Variants in SNTG1 observed in about 807,000 individuals in gnomAD.
The protein encoded by SNTG1 is syntrophin gamma 1, also known as gamma-1-syntrophin.
A neutral mutation model predicts 74.7 loss-of-function variants in SNTG1; 39 were observed. The observed-to-expected ratio is 0.52, with a 90% CI of 0.40 to 0.68. The LOEUF (loss-of-function observed/expected upper bound fraction) is 0.68, where lower values mean the gene tolerates loss of function less well. SNTG1 is among the 30% of genes least tolerant of loss of function. The pLI is 0.00. For synonymous variants in SNTG1, 254 were observed against 217.1 expected (o/e 1.17, Z -1.49); for missense variants, 685 against 609.5 (o/e 1.12, Z -1.30).
chr8:50,331,508 G>A (rs2130879794), intron 2 of SNTG1, among the ~76,000 whole-genome samples: 1 of 152,274 alleles, frequency 6.6e-6, no homozygotes, highest in Middle Eastern at 3.4e-3. Context: ...TCCTGCAGCT[G>A]AGAATCAGAT....
At chr8:50,231,585 G>T (rs1191059298) in intron 2 of SNTG1, among the ~76,000 whole-genome samples, 2 of 151,324 alleles carry the variant, frequency 1.3e-5, no homozygotes, top group Non-Finnish European at 3.0e-5. Flanking sequence ...TGACAATATA[G>T]ATGGAGAATA....
At chr8:49,918,572 T>C (rs781555263) in intron 1 of SNTG1, among the ~76,000 whole-genome samples, 19 of 152,106 alleles carry the variant, frequency 1.2e-4, no homozygotes, top group Non-Finnish European at 2.6e-4. Flanking sequence ...TATAACACAC[T>C]CTATAGAATA....
Position 50,291,428 on chromosome 8 carries a change from G to C in SNTG1, c.-27-102784G>C, listed in dbSNP as rs555717583. ...TGAATCAAGTGGGGTAACTATTCTG[G>C]GAAAAACTTTTTCAGGTGGAGGAAA... On this transcript the variant is annotated intron_variant, in intron 2 of 18. Coordinates refer to ENST00000642720, the MANE Select transcript of SNTG1 (RefSeq NM_018967.5). 4.6e-5 allele frequency among the ~76,000 whole-genome samples: 7 copies of C among 152,130 alleles called. No individual in the cohort carries two copies. In the South Asian group the frequency reaches 1.5e-3, roughly 32 times the overall value.
chr8:50,277,410 A>G (rs1243921728), intron 2 of SNTG1, among the ~76,000 whole-genome samples: 1 of 152,192 alleles, frequency 6.6e-6, no homozygotes, highest in African/African-American at 2.4e-5. Context: ...GATTACAGAA[A>G]CTTTTTCAGA....
At chr8:50,324,698 T>G (rs1472975919) in intron 2 of SNTG1, among the ~76,000 whole-genome samples, 3 of 152,104 alleles carry the variant, frequency 2.0e-5, no homozygotes, top group Non-Finnish European at 4.4e-5. Context: ...AATATATGGC[T>G]TCTCTTCTCA....
intron 2 of SNTG1, among the ~76,000 whole-genome samples, chr8:50,231,922 C>A (rs1269896037): frequency 6.6e-6 from 1 of 151,276 alleles, no homozygotes; most frequent in Non-Finnish European, 1.5e-5. Context: ...TGTTATTTAG[C>A]TTAATTTAGT....
chr8:50,614,220 T>TA (rs1255813125), intron 13 of SNTG1, among the ~76,000 whole-genome samples: 1 of 152,110 alleles, frequency 6.6e-6, no homozygotes, highest in African/African-American at 2.4e-5. Flanking sequence ...GGGATATATA[T>TA]TTTTTGTGGC....
intron 2 of SNTG1, among the ~76,000 whole-genome samples, chr8:50,211,252 A>G (rs2084508247): frequency 6.6e-6 from 1 of 152,180 alleles, no homozygotes. Flanking sequence ...AGAGTATATT[A>G]AAAGGTCTGC....
intron 4 of SNTG1, among the ~76,000 whole-genome samples, chr8:50,409,757 T>G (rs987631991): frequency 6.6e-6 from 1 of 152,246 alleles, no homozygotes; most frequent in Non-Finnish European, 1.5e-5. Flanking sequence ...TGTGCTAGTT[T>G]TAAATATTGA....
At chr8:50,502,754 T>C (rs2093972265) in intron 8 of SNTG1, 24 bp from the exon 9 acceptor site, 1 of 1,554,150 alleles carries the variant, frequency 6.4e-7, no homozygotes, top group Non-Finnish European at 8.9e-7. Context: ...ATGATGATTG[T>C]ATTCTTTTTA....
chr8:49,926,417 T>C (rs1246762410), intron 1 of SNTG1, among the ~76,000 whole-genome samples: 3 of 152,104 alleles, frequency 2.0e-5, no homozygotes, highest in Non-Finnish European at 2.9e-5. Context: ...TATGCTGAAC[T>C]TCAAATGATT....
chr8:50,354,794 T>G (rs1448489676), intron 2 of SNTG1, among the ~76,000 whole-genome samples: 1 of 152,108 alleles, frequency 6.6e-6, no homozygotes, highest in East Asian at 1.9e-4. Flanking sequence ...CAGGCTCACG[T>G]AGCTAAGGCA....
At chr8:49,968,204 G>A (rs1811325506) in intron 1 of SNTG1, among the ~76,000 whole-genome samples, 1 of 152,054 alleles carries the variant, frequency 6.6e-6, no homozygotes, top group South Asian at 2.1e-4. Flanking sequence ...TGTGTCCAAA[G>A]CCATTGCCCA....
At chr8:50,146,160 G>A (rs1448970257) in intron 1 of SNTG1, among the ~76,000 whole-genome samples, 1 of 152,098 alleles carries the variant, frequency 6.6e-6, no homozygotes, top group African/African-American at 2.4e-5. Context: ...GTGTGTGTGT[G>A]TGTTTTGTGT....
chr8:50,315,237 A>G (rs2130778113), intron 2 of SNTG1, among the ~76,000 whole-genome samples: 1 of 149,804 alleles, frequency 6.7e-6, no homozygotes, highest in South Asian at 2.2e-4. Flanking sequence ...GCAGCGTTCA[A>G]TGCAATTCAA....
Position 50,401,025 on chromosome 8 carries a change from AC to A in SNTG1, c.28-1184del, listed in dbSNP as rs535674587. Among the ~76,000 whole-genome samples, 229 of 152,294 alleles carry A rather than the reference AC, an allele frequency of 1.5e-3. 1 individual carries two copies. Among genetic ancestry groups the A allele is most frequent in the African/African-American group, 4.4e-3 (183 of 41,554 alleles). The stretch of plus-strand genomic sequence containing the variant: ...CTAATTATCATGATTTGATAATTAC[AC>A]AATATATACATACATCAAAACCTCA... On this transcript the variant is annotated intron_variant, in intron 3 of 18. Transcript: ENST00000642720.
intron 17 of SNTG1, among the ~76,000 whole-genome samples, chr8:50,717,991 C>G (rs2095478929): frequency 6.6e-6 from 1 of 152,034 alleles, no homozygotes; most frequent in South Asian, 2.1e-4. Context: ...CATTTCAGTC[C>G]TTAGGGTTTG....
At chr8:50,136,048 C>T (rs1436117638) in intron 1 of SNTG1, among the ~76,000 whole-genome samples, 1 of 152,128 alleles carries the variant, frequency 6.6e-6, no homozygotes, top group Non-Finnish European at 1.5e-5. Flanking sequence ...ATAATGGCCT[C>T]CAGCTTCACC....
chr8:49,956,023 C>T (rs1386414178), intron 1 of SNTG1, among the ~76,000 whole-genome samples: 7 of 152,182 alleles, frequency 4.6e-5, no homozygotes, highest in Non-Finnish European at 7.3e-5. Context: ...ATACGTTTCT[C>T]TCCAGCTAGA....
Sources: gnomAD v4.1 joint callset for allele counts (sites outside exome capture counted in the v4.1 genomes callset) on GRCh38, gnomAD v4.1.1 for gene constraint, MANE v1.5 for transcripts, NCBI Gene and HGNC (gene_info 2026-07-23, HGNC 2026-07-21) for gene names.